DPYD: variants seen among roughly 807,000 people sequenced by gnomAD.
DPYD encodes the protein dihydropyrimidine dehydrogenase.
In DPYD, 109 loss-of-function variants were observed where a neutral mutation model predicts 116.2. The ratio of observed to expected loss-of-function variants is 0.94; its 90% CI spans 0.80 to 1.10. DPYD has a LOEUF of 1.10. DPYD is among the 50% of genes least tolerant of loss of function. The pLI is 0.00. For missense variants in DPYD, 1,302 were observed against 1,254.5 expected, an observed-to-expected ratio of 1.04 and a Z score of -0.57; for synonymous variants, 440 against 432.0, an observed-to-expected ratio of 1.02 and a Z score of -0.23.
At chr1:97,424,643 C>T (rs113919742) in intron 14 of DPYD, among the ~76,000 whole-genome samples, 47 of 152,162 alleles carry the variant, frequency 3.1e-4, no homozygotes, top group African/African-American at 1.1e-3. Context: ...CTCACTAATT[C>T]TTATAGGATA....
intron 3 of DPYD, among the ~76,000 whole-genome samples, chr1:97,779,584 C>T (rs1403470744): frequency 6.6e-6 from 1 of 152,048 alleles, no homozygotes; most frequent in East Asian, 1.9e-4. Context: ...CTGATTTATT[C>T]TTCTCTATGG....
In DPYD at chr1:97,819,661, A is replaced by G. The variant is rs962882851; in HGVS notation, c.233+8453T>C. On this transcript the variant is annotated intron_variant, in intron 3 of 22. Transcript: ENST00000370192. ...ACTTTGATTTTTCCCTCATAGCTTT[A>G]TATTTACTTTGTAAACTACTTAATC... is the stretch of plus-strand genomic sequence containing the variant. Among the ~76,000 whole-genome samples, 12 of 151,922 alleles carry G rather than the reference A, an allele frequency of 7.9e-5. No individual in the cohort carries two copies. The South Asian group carries it at 8.3e-4, about 11-fold the overall frequency.
intron 8 of DPYD, among the ~76,000 whole-genome samples, chr1:97,637,329 CTAAGTTGGGTAT>C (rs1401538938): frequency 6.6e-6 from 1 of 152,142 alleles, no homozygotes; most frequent in Non-Finnish European, 1.5e-5. Flanking sequence ...CACTCCCCTA[CTAAGTTGGGTAT>C]ATTAGGCTTT....
At chr1:97,201,933 T>A (rs1445744844) in intron 19 of DPYD, among the ~76,000 whole-genome samples, 2 of 150,692 alleles carry the variant, frequency 1.3e-5, no homozygotes, top group African/African-American at 2.4e-5. Context: ...CCCAAAGTGA[T>A]AAAATTCCAG....
chr1:97,742,330 C>T (rs930786796), intron 3 of DPYD, among the ~76,000 whole-genome samples: 2 of 152,082 alleles, frequency 1.3e-5, no homozygotes, highest in Admixed American at 1.3e-4. Flanking sequence ...ACCAATTTCT[C>T]AGTGCCTAAT....
At chr1:97,438,181 C>T (rs1328778907) in intron 14 of DPYD, among the ~76,000 whole-genome samples, 1 of 151,916 alleles carries the variant, frequency 6.6e-6, no homozygotes, top group Non-Finnish European at 1.5e-5. Flanking sequence ...CAACTTTGTT[C>T]TTTATCAATT....
intron 8 of DPYD, among the ~76,000 whole-genome samples, chr1:97,598,771 G>T (rs1655054053): frequency 6.6e-6 from 1 of 152,168 alleles, no homozygotes; most frequent in Non-Finnish European, 1.5e-5. Flanking sequence ...CAAAATAATT[G>T]TATGAGGCAA....
At chr1:97,126,134 G>A (rs531932051) in intron 20 of DPYD, among the ~76,000 whole-genome samples, 1 of 152,180 alleles carries the variant, frequency 6.6e-6, no homozygotes, top group Admixed American at 6.6e-5. Flanking sequence ...GAGATTTGCT[G>A]TGCGTGTGAG....
intron 3 of DPYD, among the ~76,000 whole-genome samples, chr1:97,758,778 C>T (rs1665407409): frequency 6.6e-6 from 1 of 152,090 alleles, no homozygotes; most frequent in Non-Finnish European, 1.5e-5. Context: ...ATTTCTATCC[C>T]TATCATGTCA....
chr1:97,514,499 C>T (rs1379843920), intron 13 of DPYD, among the ~76,000 whole-genome samples: 2 of 151,724 alleles, frequency 1.3e-5, no homozygotes, highest in Non-Finnish European at 2.9e-5. Flanking sequence ...TACAGCTTCT[C>T]AGTAATTCTT....
At chr1:97,759,094 C>A (rs925216778) in intron 3 of DPYD, among the ~76,000 whole-genome samples, 35 of 152,140 alleles carry the variant, frequency 2.3e-4, no homozygotes, top group African/African-American at 8.2e-4. Context: ...ATTCCACCAA[C>A]AACTTACCTG....
Position 97,779,745 on chromosome 1 carries a change from C to CT in DPYD, c.234-39267dup, listed in dbSNP as rs529432309. Among the ~76,000 whole-genome samples the CT allele has an allele frequency of 7.4e-4, 111 of 150,632 alleles. No homozygotes were observed. In the South Asian group the frequency reaches 0.017, roughly 23 times the overall value. On this transcript the variant is annotated intron_variant, in intron 3 of 22. Coordinates refer to ENST00000370192, the MANE Select transcript of DPYD (RefSeq NM_000110.4). ...ACAGTATTATCACTCCTGGTTGCATCTTTTTTTTTGGCCTTATTTTCACTT... is the reference window on the plus strand; with the variant it reads ...ACAGTATTATCACTCCTGGTTGCATCTTTTTTTTTTGGCCTTATTTTCACTT...
At chr1:97,590,483 G>A (rs924574732) in intron 10 of DPYD, among the ~76,000 whole-genome samples, 2 of 152,186 alleles carry the variant, frequency 1.3e-5, no homozygotes, top group African/African-American at 2.4e-5. Context: ...AAGTGACCCA[G>A]AGAGATGATC....
At chr1:97,331,916 G>A (rs1669029258) in intron 16 of DPYD, among the ~76,000 whole-genome samples, 1 of 152,126 alleles carries the variant, frequency 6.6e-6, no homozygotes, top group African/African-American at 2.4e-5. Context: ...TCTAATGGGA[G>A]TATTAACGGG....
At chr1:97,463,057 C>T (rs964348170) in intron 13 of DPYD, among the ~76,000 whole-genome samples, 8 of 152,178 alleles carry the variant, frequency 5.3e-5, no homozygotes, top group African/African-American at 1.9e-4. Context: ...GAACCCTCCC[C>T]TGCTTCAAGT....
intron 8 of DPYD, among the ~76,000 whole-genome samples, chr1:97,612,398 TA>T (rs939044087): frequency 2.1e-4 from 32 of 151,404 alleles, no homozygotes; most frequent in East Asian, 3.9e-4. Context: ...AGCACTAATG[TA>T]AAAAAAAATT....
rs201902995 is a variant in DPYD at position 97,130,803 on chromosome 1, C to CTCTT, written c.2623-32175_2623-32172dup. ...TTTCCTTCCCTCCTTCCCTCTCTCC[C>CTCTT]TCTTTCTTTCTTTCTTCCTTTCTTT... On this transcript the variant is annotated intron_variant, in intron 20 of 22. Coordinates refer to ENST00000370192, the MANE Select transcript of DPYD (RefSeq NM_000110.4). 1.6e-4 allele frequency among the ~76,000 whole-genome samples: 5 copies of CTCTT among 32,132 alleles called. 1 individual carries two copies. The highest frequency in any genetic ancestry group is 1.4e-3 in the South Asian group (2 of 1,426). 21.1% of individuals were successfully genotyped at this position (32,132 alleles called of 152,430 possible).
intron 8 of DPYD, among the ~76,000 whole-genome samples, chr1:97,654,362 C>A (rs917986651): frequency 3.3e-5 from 5 of 152,034 alleles, no homozygotes; most frequent in Non-Finnish European, 5.9e-5. Flanking sequence ...TCACTAAATT[C>A]TTTAAGGAAT....
intron 20 of DPYD, among the ~76,000 whole-genome samples, chr1:97,140,567 C>T (rs571087158): frequency 1.1e-3 from 164 of 152,260 alleles, no homozygotes; most frequent in Admixed American, 2.6e-3. Context: ...CTTTTAGCCT[C>T]ATATGCTTCA....
Sources: gnomAD v4.1 joint callset for allele counts (sites outside exome capture counted in the v4.1 genomes callset) on GRCh38, gnomAD v4.1.1 for gene constraint, MANE v1.5 for transcripts, NCBI Gene and HGNC (gene_info 2026-07-23, HGNC 2026-07-21) for gene names.